Variants in CHL1 observed in about 807,000 individuals in gnomAD.
CHL1 encodes the protein cell adhesion molecule L1 like, also known as neural cell adhesion molecule L1-like protein.
A neutral mutation model predicts 141.9 loss-of-function variants in CHL1; 96 were observed. The observed-to-expected ratio is 0.68, with a 90% CI of 0.57 to 0.80. CHL1 has a LOEUF of 0.80. Ranked by LOEUF, CHL1 falls within the 30% of genes least tolerant of loss-of-function variation. CHL1 has a pLI of 0.00. For synonymous variants in CHL1, 613 were observed against 502.2 expected (o/e 1.22, Z -2.95); for missense variants, 1,820 against 1,457.2 (o/e 1.25, Z -4.05).
In CHL1 at chr3:391,200, T is replaced by C. The variant is rs530090139; in HGVS notation, c.2791+41T>C. ...TGTAGAGTCATGTCAAAAATGGAGG[T>C]GATCCATGGCCATATTAAACATTCT... On this transcript the variant is annotated intron_variant, in intron 22 of 27. Coordinates refer to ENST00000256509, the MANE Select transcript of CHL1 (RefSeq NM_006614.4). 13 of 1,451,176 alleles carry C rather than the reference T, an allele frequency of 9.0e-6. No homozygotes were observed. The East Asian group carries it at 2.5e-4, about 28-fold the overall frequency. The allele number at this position is 1,451,176 out of a possible 1,614,324, so 89.9% of individuals were successfully genotyped here.
chr3:312,956 ATGT>A (rs1699873354), intron 2 of CHL1, among the ~76,000 whole-genome samples: 1 of 152,206 alleles, frequency 6.6e-6, no homozygotes, highest in African/African-American at 2.4e-5. Flanking sequence ...GAGTAGAAAA[ATGT>A]TGTTTAATGA....
chr3:205,684 C>T (rs1671678350), intron 1 of CHL1, among the ~76,000 whole-genome samples: 1 of 152,022 alleles, frequency 6.6e-6, no homozygotes, highest in African/African-American at 2.4e-5. Flanking sequence ...TGTGTGGGTC[C>T]TATGAGGCAT....
intron 14 of CHL1, among the ~76,000 whole-genome samples, chr3:364,389 G>T (rs1704605985): frequency 6.6e-6 from 1 of 152,104 alleles, no homozygotes; most frequent in South Asian, 2.1e-4. Context: ...GGTGATGATT[G>T]TTTTTATACT....
chr3:293,154 TAATA>T (rs1697854306), intron 2 of CHL1, among the ~76,000 whole-genome samples: 1 of 152,230 alleles, frequency 6.6e-6, no homozygotes, highest in Non-Finnish European at 1.5e-5. Flanking sequence ...TTCCTTTAAA[TAATA>T]AATGATTTAT....
rs190700270 is a variant in CHL1, at chr3:401,709, G to A, written c.3458+11G>A. The A allele has an allele frequency of 1.7e-4, 258 of 1,487,066 alleles. No homozygotes were observed. In the African/African-American group the frequency reaches 2.4e-3, roughly 14 times the overall value. 92.1% of individuals were successfully genotyped at this position (1,487,066 alleles called of 1,614,324 possible). A position where few individuals can be genotyped will look rare whatever the true frequency, so the allele number is the denominator to read the frequency against. On this transcript the variant is annotated intron_variant, in intron 27 of 27. Transcript: ENST00000256509. ...CTTTGGTGAATACAGGTAAACATAA[G>A]GTTCTGTTGTAAAATAAAACACATA...
chr3:260,518 G>T (rs531970933), intron 2 of CHL1, among the ~76,000 whole-genome samples: 2 of 152,228 alleles, frequency 1.3e-5, no homozygotes, highest in East Asian at 1.9e-4. Flanking sequence ...ATGATGTCAT[G>T]GTTGAGGATT....
At chr3:268,392 A>C (rs1386869613) in intron 2 of CHL1, among the ~76,000 whole-genome samples, 1 of 151,956 alleles carries the variant, frequency 6.6e-6, no homozygotes, top group African/African-American at 2.4e-5. Context: ...AAAATTACCC[A>C]GGCACAGTGG....
In CHL1 at chr3:374,995, G is replaced by C. The variant is rs191407826; in HGVS notation, c.1752-2823G>C. ...GTCCCCTTTCTTGTGTAGGGATGCAGTAAGTGCTGGGAACTGCCACTCTGA... is the reference window on the plus strand; with the variant it reads ...GTCCCCTTTCTTGTGTAGGGATGCACTAAGTGCTGGGAACTGCCACTCTGA... On this transcript the variant is annotated intron_variant, in intron 15 of 27. Transcript: ENST00000256509. 3.2e-4 allele frequency among the ~76,000 whole-genome samples: 49 copies of C among 152,260 alleles called. 1 individual carries two copies. Among genetic ancestry groups the C allele is most frequent in the African/African-American group, 1.2e-3 (48 of 41,522 alleles).
At chr3:275,279 A>G (rs1298253934) in intron 2 of CHL1, among the ~76,000 whole-genome samples, 5 of 152,224 alleles carry the variant, frequency 3.3e-5, no homozygotes, top group Non-Finnish European at 7.3e-5. Flanking sequence ...TTGCTACTTT[A>G]AAATAATTTA....
At chr3:357,934 AT>A (rs1464064280) in intron 11 of CHL1, among the ~76,000 whole-genome samples, 5 of 152,172 alleles carry the variant, frequency 3.3e-5, no homozygotes, top group Non-Finnish European at 7.4e-5. Flanking sequence ...GAAGAGTGGG[AT>A]TAGAGACTCA....
intron 2 of CHL1, chr3:248,692 T>C (rs1693409799): frequency 6.6e-6 from 1 of 152,154 alleles, no homozygotes; most frequent in African/African-American, 2.4e-5. Context: ...TTTTTCTTTC[T>C]TTCCAAATTC....
chr3:319,830 G>A lies in CHL1; in HGVS notation c.54G>A (p.Leu18=). The A allele has an allele frequency of 6.2e-7, 1 of 1,607,714 alleles. No homozygotes were observed. ...RGLIVYLMFL[L]LKFSKAIEIP... is the part of the protein sequence containing the mutation. ...TAATCGTATATCTAATGTTCCTCCT[G>A]TTAAAATTCTCAAAAGCAATTGAAA... is the stretch of plus-strand genomic sequence containing the variant. Residue 18 remains leucine, a synonymous_variant, in exon 3 of 28, where the codon CTG becomes CTA. Coordinates refer to ENST00000256509, the MANE Select transcript of CHL1 (RefSeq NM_006614.4).
At chr3:298,261 C>A (rs1470230090) in intron 2 of CHL1, among the ~76,000 whole-genome samples, 1 of 152,120 alleles carries the variant, frequency 6.6e-6, no homozygotes, top group Non-Finnish European at 1.5e-5. Flanking sequence ...TAAAAAGAGA[C>A]CCCATGGATC....
chr3:291,450 C>A (rs1034787982), intron 2 of CHL1, among the ~76,000 whole-genome samples: 6 of 143,346 alleles, frequency 4.2e-5, no homozygotes, highest in Non-Finnish European at 7.6e-5. Flanking sequence ...CTTTTCTTTT[C>A]TTTTTCTTTT....
At chr3:341,295 G>T (rs947067017) in intron 6 of CHL1, among the ~76,000 whole-genome samples, 1 of 152,094 alleles carries the variant, frequency 6.6e-6, no homozygotes, top group Non-Finnish European at 1.5e-5. Context: ...GCTTTGTAAA[G>T]TCTACTTCTA....
intron 2 of CHL1, among the ~76,000 whole-genome samples, chr3:274,670 A>C (rs938005697): frequency 6.6e-6 from 1 of 152,208 alleles, no homozygotes; most frequent in African/African-American, 2.4e-5. Context: ...TGATGCTCAA[A>C]GTGTAAACAG....
intron 10 of CHL1, among the ~76,000 whole-genome samples, chr3:351,121 A>G (rs1703218242): frequency 6.6e-6 from 1 of 152,182 alleles, no homozygotes; most frequent in African/African-American, 2.4e-5. Flanking sequence ...TATTTTAACA[A>G]TCTGGCCACA....
intron 10 of CHL1, among the ~76,000 whole-genome samples, 157 bp downstream of exon 10, chr3:349,700 C>T (rs1158018492): frequency 1.3e-5 from 2 of 152,108 alleles, no homozygotes; most frequent in African/African-American, 4.8e-5. Flanking sequence ...TTCAACTAAG[C>T]AGGTTTGTCA....
chr3:337,439 C>T (rs890745153), intron 5 of CHL1, among the ~76,000 whole-genome samples: 8 of 151,906 alleles, frequency 5.3e-5, no homozygotes, highest in Non-Finnish European at 2.9e-5. Context: ...CATATGTATA[C>T]GTGTGCCATG....
Sources: gnomAD v4.1 joint callset for allele counts (sites outside exome capture counted in the v4.1 genomes callset) on GRCh38, gnomAD v4.1.1 for gene constraint, MANE v1.5 for transcripts, NCBI Gene and HGNC (gene_info 2026-07-23, HGNC 2026-07-21) for gene names.